HTR1F: variants seen among roughly 807,000 people sequenced by gnomAD.
HTR1F encodes the protein 5-hydroxytryptamine (serotonin) receptor 1F, G protein-coupled.
In HTR1F, 17 loss-of-function variants were observed where a neutral mutation model predicts 24.0. That is an observed-to-expected ratio of 0.71 (90% CI 0.48 to 1.06). The LOEUF is 1.06. Ranked by LOEUF, HTR1F falls within the 50% of genes least tolerant of loss-of-function variation. The pLI, the probability that HTR1F is intolerant of heterozygous loss-of-function variation, is 0.00. For synonymous variants in HTR1F, 186 were observed against 156.8 expected (o/e 1.19, Z -1.39); for missense variants, 391 against 427.8 (o/e 0.91, Z 0.76).
At chr3:87,838,632 A>C (rs1704732470) in intron 2 of HTR1F, among the ~76,000 whole-genome samples, 1 of 152,092 alleles carries the variant, frequency 6.6e-6, no homozygotes, top group South Asian at 2.1e-4. Flanking sequence ...TTTTACATTT[A>C]AATTGTTGCA....
chr3:87,855,774 A>G (rs1319070597), intron 2 of HTR1F, among the ~76,000 whole-genome samples: 1 of 152,048 alleles, frequency 6.6e-6, no homozygotes. Context: ...ATCTCTCTCC[A>G]TTCTGCTGTG....
intron 2 of HTR1F, among the ~76,000 whole-genome samples, chr3:87,845,274 GA>G (rs1704913605): frequency 6.6e-6 from 1 of 151,768 alleles, no homozygotes; most frequent in Non-Finnish European, 1.5e-5. Flanking sequence ...ATTCAATTAG[GA>G]AAAGAGGAAG....
intron 2 of HTR1F, 29 bp from the exon 3 acceptor site, chr3:87,990,679 G>A (rs1705800583): frequency 1.7e-6 from 2 of 1,176,890 alleles, no homozygotes; most frequent in South Asian, 2.9e-5. Context: ...AGCCTTCTCT[G>A]AACTGTTTTT....
At chr3:87,946,088 A>T (rs1280747297) in intron 2 of HTR1F, among the ~76,000 whole-genome samples, 1 of 152,188 alleles carries the variant, frequency 6.6e-6, no homozygotes, top group Non-Finnish European at 1.5e-5. Flanking sequence ...GTTCAGCTCG[A>T]TTAGGATGAA....
At chr3:87,929,493 T>C (rs987936408) in intron 2 of HTR1F, among the ~76,000 whole-genome samples, 1 of 152,130 alleles carries the variant, frequency 6.6e-6, no homozygotes, top group Non-Finnish European at 1.5e-5. Context: ...TAGGATATAA[T>C]TTATAGATTC....
intron 2 of HTR1F, among the ~76,000 whole-genome samples, chr3:87,891,275 T>A (rs140137257): frequency 2.4e-4 from 37 of 151,368 alleles, no homozygotes; most frequent in Non-Finnish European, 1.5e-5. Flanking sequence ...TAAAAATACA[T>A]ATAAATTGAG....
At chr3:87,952,146 T>C (rs530239602) in intron 2 of HTR1F, among the ~76,000 whole-genome samples, 2 of 152,188 alleles carry the variant, frequency 1.3e-5, no homozygotes, top group East Asian at 1.9e-4. Context: ...CTGATATCAA[T>C]ATTTAAAGTA....
chr3:87,814,831 GA>G (rs1704222023), intron 1 of HTR1F, among the ~76,000 whole-genome samples: 1 of 152,094 alleles, frequency 6.6e-6, no homozygotes, highest in African/African-American at 2.4e-5. Flanking sequence ...ATTAGTAAGG[GA>G]ATGATATGGC....
intron 2 of HTR1F, among the ~76,000 whole-genome samples, chr3:87,867,866 T>C (rs1407141619): frequency 1.3e-5 from 2 of 152,146 alleles, no homozygotes; most frequent in East Asian, 1.9e-4. Flanking sequence ...GGATTTGATT[T>C]CATAGCTTCT....
chr3:87,983,979 C>A (rs1705607013), intron 2 of HTR1F, among the ~76,000 whole-genome samples: 1 of 152,198 alleles, frequency 6.6e-6, no homozygotes, highest in Non-Finnish European at 1.5e-5. Flanking sequence ...TTAAACATTT[C>A]TAAGACTTCT....
chr3:87,974,248 T>C (rs1174432735), intron 2 of HTR1F, among the ~76,000 whole-genome samples: 1 of 152,228 alleles, frequency 6.6e-6, no homozygotes, highest in Non-Finnish European at 1.5e-5. Flanking sequence ...ATATTATTCA[T>C]CATGCTGAAT....
chr3:87,798,535 C>G (rs1703942976), intron 1 of HTR1F, among the ~76,000 whole-genome samples: 2 of 152,022 alleles, frequency 1.3e-5, no homozygotes, highest in South Asian at 4.2e-4. Context: ...TGACCCTGAC[C>G]CCCCTCCACC....
At chr3:87,845,477 T>C (rs1704919722) in intron 2 of HTR1F, among the ~76,000 whole-genome samples, 2 of 148,764 alleles carry the variant, frequency 1.3e-5, no homozygotes, top group African/African-American at 5.0e-5. Flanking sequence ...TGAACTCCCA[T>C]TCACAATTGC....
At position 87,951,496 on chromosome 3, in the gene HTR1F, CTT is replaced by C. The variant is rs552531535; in HGVS notation, c.-42-39210_-42-39209del. Among the ~76,000 whole-genome samples the C allele has an allele frequency of 9.3e-3, 1,416 of 152,074 alleles. 17 individuals are homozygous for C. Among genetic ancestry groups the C allele is most frequent in the African/African-American group, 0.032 (1,348 of 41,510 alleles). ...ATTACCCCAGAATTGTTTTAATAGACTTTATTTTTAGAGCAGTTTTAGATTCA... is the reference window on the plus strand; with the variant it reads ...ATTACCCCAGAATTGTTTTAATAGACTATTTTTAGAGCAGTTTTAGATTCA... On this transcript the variant is annotated intron_variant, in intron 2 of 2. Coordinates refer to ENST00000319595, the MANE Select transcript of HTR1F (RefSeq NM_001322209.2).
At position 87,793,880 on chromosome 3, in the gene HTR1F, A is replaced by G. The variant is rs111428969; in HGVS notation, c.-160+1038A>G. On this transcript the variant is annotated intron_variant, in intron 1 of 2. Coordinates refer to ENST00000319595, the MANE Select transcript of HTR1F (RefSeq NM_001322209.2). ...TTGTTAGGTGAATATTTAAGATGAC[A>G]TAAGCAGGTGGCATTAACCTCTCCC... Among the ~76,000 whole-genome samples the G allele has an allele frequency of 9.9e-3, 1,505 of 152,136 alleles. 19 individuals are homozygous for G. Among genetic ancestry groups the G allele is most frequent in the Non-Finnish European group, 0.017 (1,175 of 67,986 alleles).
intron 2 of HTR1F, among the ~76,000 whole-genome samples, chr3:87,944,750 C>G (rs1404653320): frequency 1.3e-5 from 2 of 152,180 alleles, no homozygotes; most frequent in African/African-American, 4.8e-5. Flanking sequence ...ATGAGGTTTC[C>G]TCTAAAAGTT....
intron 2 of HTR1F, among the ~76,000 whole-genome samples, chr3:87,918,930 CA>C (rs1329924347): frequency 4.6e-5 from 7 of 151,930 alleles, no homozygotes; most frequent in African/African-American, 1.5e-4. Context: ...GAAGACTAAG[CA>C]AAAAGTACAA....
chr3:87,877,644 T>TGATATCCAAGATCCC (rs1705700154), intron 2 of HTR1F, among the ~76,000 whole-genome samples: 1 of 152,170 alleles, frequency 6.6e-6, no homozygotes, highest in Non-Finnish European at 1.5e-5. Context: ...TTCAAGGATC[T>TGATATCCAAGATCCC]AAGTGATATC....
rs578189203 is a variant in HTR1F at position 87,890,388 on chromosome 3, C to T, written c.-43+68264C>T. On this transcript the variant is annotated intron_variant, in intron 2 of 2. Transcript: ENST00000319595. ...TATGGGTCCTCAGAGCAATCCTTTG[C>T]GGAGTGAAGCATGAGTAATGTTAGA... 4.6e-5 allele frequency among the ~76,000 whole-genome samples: 7 copies of T among 152,186 alleles called. No individual in the cohort carries two copies. In the East Asian group the frequency reaches 7.7e-4, roughly 17 times the overall value.
Sources: allele counts gnomAD v4.1 joint callset (sites outside exome capture counted in the v4.1 genomes callset), GRCh38; gene constraint gnomAD v4.1.1; transcripts MANE v1.5; gene names NCBI Gene and HGNC (gene_info 2026-07-23, HGNC 2026-07-21).